Variants in VTI1A observed in about 807,000 individuals in gnomAD.
The protein encoded by VTI1A is vesicle transport through interaction with t-SNAREs homolog 1A.
In VTI1A, 22 loss-of-function variants were observed where a neutral mutation model predicts 34.9. The observed-to-expected ratio is 0.63, with a 90% CI of 0.45 to 0.90. VTI1A has a LOEUF of 0.90. Ranked by LOEUF, VTI1A falls within the 40% of genes least tolerant of loss-of-function variation. VTI1A has a pLI of 0.00. For missense variants in VTI1A, 268 were observed against 275.6 expected, an observed-to-expected ratio of 0.97 and a Z score of 0.20; for synonymous variants, 87 against 97.3, an observed-to-expected ratio of 0.89 and a Z score of 0.62.
intron 5 of VTI1A, among the ~76,000 whole-genome samples, chr10:112,666,476 T>C (rs966919900): frequency 2.0e-5 from 3 of 152,098 alleles, no homozygotes; most frequent in African/African-American, 7.3e-5. Flanking sequence ...TCCTCAGTGC[T>C]GGCATGGAAG....
chr10:112,578,778 G>A (rs1843806744), intron 5 of VTI1A, among the ~76,000 whole-genome samples: 1 of 152,118 alleles, frequency 6.6e-6, no homozygotes, highest in South Asian at 2.1e-4. Flanking sequence ...ATACCCATTA[G>A]ATGTATAATT....
intron 7 of VTI1A, among the ~76,000 whole-genome samples, chr10:112,683,424 T>C (rs1298867497): frequency 2.0e-5 from 3 of 152,226 alleles, no homozygotes; most frequent in Non-Finnish European, 4.4e-5. Flanking sequence ...AAGATTTGTT[T>C]TTCTGCAATA....
At chr10:112,733,342 T>A (rs973191820) in intron 7 of VTI1A, among the ~76,000 whole-genome samples, 2 of 152,142 alleles carry the variant, frequency 1.3e-5, no homozygotes, top group African/African-American at 4.8e-5. Context: ...CCAAAACATT[T>A]TCACCACCCC....
rs190519253 is a variant in VTI1A, at chr10:112,479,040, G to A, written c.264+14383G>A. 5.8e-3 allele frequency among the ~76,000 whole-genome samples: 885 copies of A among 152,202 alleles called. 10 individuals carry two copies. Among genetic ancestry groups the A allele is most frequent in the African/African-American group, 0.02 (844 of 41,532 alleles). On this transcript the variant is annotated intron_variant, in intron 3 of 7. Coordinates refer to ENST00000393077, the MANE Select transcript of VTI1A (RefSeq NM_145206.4). ...AAATTAGCCAGGCGTGGTGGCACGC[G>A]CCTGTAATCCCAGCTACTAGGGAGG...
chr10:112,525,185 A>AT (rs1325320765), intron 3 of VTI1A, among the ~76,000 whole-genome samples: 2 of 152,158 alleles, frequency 1.3e-5, no homozygotes, highest in African/African-American at 4.8e-5. Flanking sequence ...TCTGATGTAG[A>AT]TATCTTTACT....
chr10:112,820,257 A>AT (rs1048239716), downstream of VTI1A, among the ~76,000 whole-genome samples: 7 of 152,200 alleles, frequency 4.6e-5, no homozygotes, highest in Admixed American at 1.3e-4. Context: ...ACCAAGAGCC[A>AT]TTTTTCCAAA....
chr10:112,688,524 T>TC (rs992775731), intron 7 of VTI1A, among the ~76,000 whole-genome samples: 17 of 148,234 alleles, frequency 1.1e-4, no homozygotes, highest in African/African-American at 4.2e-4. Flanking sequence ...TTTTTTTCTT[T>TC]TTTTTTTTTT....
chr10:112,681,843 G>T (rs898275953), intron 7 of VTI1A, among the ~76,000 whole-genome samples: 4 of 152,122 alleles, frequency 2.6e-5, no homozygotes, highest in Admixed American at 2.6e-4. Context: ...AAGAATGTTG[G>T]CAGAGTACAT....
At chr10:112,588,196 GA>G (rs1844235294) in intron 5 of VTI1A, among the ~76,000 whole-genome samples, 1 of 152,034 alleles carries the variant, frequency 6.6e-6, no homozygotes, top group African/African-American at 2.4e-5. Context: ...ACAGGCAACA[GA>G]AATATATAAA....
intron 5 of VTI1A, among the ~76,000 whole-genome samples, chr10:112,618,524 T>TATATATAGAGAGAGAGAGAGAGAG (rs748276058): frequency 3.5e-4 from 12 of 34,578 alleles, no homozygotes; most frequent in South Asian, 1.6e-3. Flanking sequence ...TATATATATA[T>TATATATAGAGAGAGAGAGAGAGAG]AGAGAGAGAG....
intron 5 of VTI1A, among the ~76,000 whole-genome samples, chr10:112,636,739 A>AAC (rs1037707053): frequency 2.6e-5 from 4 of 151,804 alleles, no homozygotes; most frequent in African/African-American, 7.3e-5. Flanking sequence ...AAAAAAAAAA[A>AAC]AAAAAAACTT....
chr10:112,496,396 T>G (rs894028780), intron 3 of VTI1A, among the ~76,000 whole-genome samples: 1 of 151,692 alleles, frequency 6.6e-6, no homozygotes. Flanking sequence ...ATGGTGAAAC[T>G]CTATCTCTAC....
intron 7 of VTI1A, among the ~76,000 whole-genome samples, chr10:112,780,421 T>C (rs1298553810): frequency 6.6e-6 from 1 of 152,144 alleles, no homozygotes; most frequent in East Asian, 1.9e-4. Flanking sequence ...CACTTGGAGT[T>C]TGCTCAAATC....
chr10:112,830,833 A>T, the VTI1A span, among the ~76,000 whole-genome samples: 1 of 44,922 alleles, frequency 2.2e-5, no homozygotes, highest in Admixed American at 2.9e-4. Flanking sequence ...ATATATATAT[A>T]TATATATATA....
At chr10:112,784,685 T>C (rs1358147290) in intron 7 of VTI1A, among the ~76,000 whole-genome samples, 1 of 152,210 alleles carries the variant, frequency 6.6e-6, no homozygotes, top group East Asian at 1.9e-4. Flanking sequence ...GGCTTCATTC[T>C]TGTCTACAAA....
At chr10:112,621,139 A>T (rs1173779817) in intron 5 of VTI1A, among the ~76,000 whole-genome samples, 1 of 152,196 alleles carries the variant, frequency 6.6e-6, no homozygotes, top group African/African-American at 2.4e-5. Context: ...CTCTAAGCAG[A>T]TAGCTACATG....
intron 5 of VTI1A, among the ~76,000 whole-genome samples, chr10:112,630,860 G>T (rs1304631042): frequency 6.6e-6 from 1 of 152,168 alleles, no homozygotes; most frequent in Non-Finnish European, 1.5e-5. Context: ...GGTGGCTCAT[G>T]CCTGTAATCC....
At chr10:112,586,533 A>C (rs1844167790) in intron 5 of VTI1A, among the ~76,000 whole-genome samples, 1 of 152,146 alleles carries the variant, frequency 6.6e-6, no homozygotes, top group Admixed American at 6.5e-5. Context: ...TTTCAACTGG[A>C]TAAAATAAAG....
the VTI1A span, among the ~76,000 whole-genome samples, chr10:112,840,756 T>A: frequency 2.0e-5 from 3 of 152,136 alleles, no homozygotes; most frequent in Admixed American, 1.3e-4. Context: ...AATTCTGTAT[T>A]TCTTTATGTA....
Sources: gnomAD v4.1 joint callset for allele counts (sites outside exome capture counted in the v4.1 genomes callset) on GRCh38, gnomAD v4.1.1 for gene constraint, MANE v1.5 for transcripts, NCBI Gene and HGNC (gene_info 2026-07-23, HGNC 2026-07-21) for gene names.